Variants in SGMS1 observed in about 807,000 individuals in gnomAD.
SGMS1 encodes phosphatidylcholine:ceramide cholinephosphotransferase 1.
In SGMS1, 13 loss-of-function variants were observed where a neutral mutation model predicts 46.2. That is an observed-to-expected ratio of 0.28 (90% confidence interval 0.18 to 0.45). SGMS1 has a LOEUF of 0.45. SGMS1 is among the 20% of genes least tolerant of loss of function. SGMS1 has a pLI of 1.00. For missense variants in SGMS1, 324 were observed against 519.9 expected (o/e 0.62, Z 3.66); for synonymous variants, 203 against 187.8 (o/e 1.08, Z -0.66).
At chr10:50,440,025 C>A (rs1229832969) in intron 5 of SGMS1, among the ~76,000 whole-genome samples, 1 of 152,166 alleles carries the variant, frequency 6.6e-6, no homozygotes, top group Non-Finnish European at 1.5e-5. Flanking sequence ...GTAACCACAT[C>A]TAAACAAGCA....
chr10:50,600,943 G>A (rs1838644389), intron 1 of SGMS1, among the ~76,000 whole-genome samples: 1 of 152,170 alleles, frequency 6.6e-6, no homozygotes, highest in Non-Finnish European at 1.5e-5. Flanking sequence ...GAAGGCAGAT[G>A]AGAGGGCATG....
chr10:50,519,832 T>C lies in SGMS1; in HGVS notation c.-499A>G, dbSNP rs941064669. Reference sequence around the variant, plus strand: ...GGTGAAATGCTGATTCTGACTTACCTGTATTTTATTACACACCCTCTGCTG... The same window carrying C: ...GGTGAAATGCTGATTCTGACTTACCCGTATTTTATTACACACCCTCTGCTG... On this transcript the variant is annotated splice_region_variant and 5_prime_UTR_variant, in exon 3 of 11. Transcript: ENST00000361781. The C allele has an allele frequency of 1.3e-5, 2 of 152,338 alleles. No homozygotes were observed. Among genetic ancestry groups the C allele is most frequent in the East Asian group, 1.9e-4 (1 of 5,328 alleles). 9.4% of individuals were successfully genotyped at this position (152,338 alleles called of 1,614,324 possible). A position where few individuals can be genotyped will look rare whatever the true frequency, so the allele number is the denominator to read the frequency against.
At chr10:50,545,639 T>C (rs1016905256) in intron 2 of SGMS1, among the ~76,000 whole-genome samples, 1 of 152,214 alleles carries the variant, frequency 6.6e-6, no homozygotes, top group African/African-American at 2.4e-5. Context: ...GGTTTCACCA[T>C]GTTGGCCAGG....
chr10:50,525,463 G>T (rs1481873940), intron 2 of SGMS1, among the ~76,000 whole-genome samples: 1 of 152,146 alleles, frequency 6.6e-6, no homozygotes, highest in Admixed American at 6.5e-5. Flanking sequence ...CATCACTCAA[G>T]CAGGTTACCC....
At chr10:50,345,525 A>C (rs1328924982) in intron 6 of SGMS1, among the ~76,000 whole-genome samples, 1 of 152,204 alleles carries the variant, frequency 6.6e-6, no homozygotes, top group Non-Finnish European at 1.5e-5. Flanking sequence ...AGGATTCAAA[A>C]TTTTATAAAT....
At chr10:50,422,911 T>C (rs954559352) in intron 6 of SGMS1, among the ~76,000 whole-genome samples, 42 of 152,240 alleles carry the variant, frequency 2.8e-4, no homozygotes, top group African/African-American at 9.4e-4. Flanking sequence ...AGCATTAGCA[T>C]ATTTCTGCTT....
At chr10:50,323,689 T>C (rs542858038) in intron 8 of SGMS1, among the ~76,000 whole-genome samples, 26 of 152,356 alleles carry the variant, frequency 1.7e-4, no homozygotes, top group Admixed American at 1.5e-3. Context: ...TCATTAACTC[T>C]CATTTCCTCT....
At chr10:50,349,311 T>C (rs1313061527) in intron 6 of SGMS1, among the ~76,000 whole-genome samples, 1 of 152,238 alleles carries the variant, frequency 6.6e-6, no homozygotes, top group African/African-American at 2.4e-5. Flanking sequence ...CTCCACTTCA[T>C]AATCCTTTTC....
chr10:50,409,595 G>T (rs1444555845), intron 6 of SGMS1, among the ~76,000 whole-genome samples: 1 of 152,130 alleles, frequency 6.6e-6, no homozygotes, highest in Non-Finnish European at 1.5e-5. Flanking sequence ...TCATATCTCT[G>T]ACCTTTACTT....
In SGMS1 at chr10:50,516,162, A is replaced by T. The variant is rs73318705; in HGVS notation, c.-498+3669T>A. Among the ~76,000 whole-genome samples, 464 of 151,914 alleles carry T rather than the reference A, an allele frequency of 3.1e-3. 2 individuals are homozygous for T. The highest frequency in any genetic ancestry group is 0.01 in the African/African-American group (435 of 41,438). On this transcript the variant is annotated intron_variant, in intron 3 of 10. Transcript: ENST00000361781. ...TTCTGCTGCAGAAGGAATAATAATT[A>T]AAAAAAAACTGTTAAATCAGCAACC...
chr10:50,608,044 A>G (rs113512934), intron 1 of SGMS1, among the ~76,000 whole-genome samples: 1,759 of 152,358 alleles, frequency 0.012, 33 homozygotes, highest in African/African-American at 0.04. Flanking sequence ...CTGTACCACA[A>G]TGCCAAATTC....
At chr10:50,483,414 G>A (rs1837494107) in intron 3 of SGMS1, among the ~76,000 whole-genome samples, 1 of 152,126 alleles carries the variant, frequency 6.6e-6, no homozygotes, top group African/African-American at 2.4e-5. Context: ...GACCTATAAA[G>A]AGACTTAGAC....
intron 6 of SGMS1, among the ~76,000 whole-genome samples, chr10:50,358,510 C>T (rs1317340617): frequency 6.6e-6 from 1 of 152,064 alleles, no homozygotes; most frequent in Non-Finnish European, 1.5e-5. Context: ...CCAGCCTGGG[C>T]AAAACCTGTG....
intron 6 of SGMS1, among the ~76,000 whole-genome samples, chr10:50,413,257 G>A (rs1849126152): frequency 6.6e-6 from 1 of 152,062 alleles, no homozygotes; most frequent in African/African-American, 2.4e-5. Flanking sequence ...AAACTGGCAG[G>A]GCTGAGATTC....
intron 3 of SGMS1, among the ~76,000 whole-genome samples, chr10:50,475,126 A>G (rs1379691819): frequency 6.6e-6 from 1 of 152,196 alleles, no homozygotes; most frequent in Non-Finnish European, 1.5e-5. Flanking sequence ...CTAACTTTCC[A>G]TTTCACTGTC....
intron 3 of SGMS1, among the ~76,000 whole-genome samples, chr10:50,508,461 G>A (rs1450641691): frequency 6.6e-6 from 1 of 152,128 alleles, no homozygotes; most frequent in Non-Finnish European, 1.5e-5. Flanking sequence ...ATCTCTCTTG[G>A]TATGACAGTG....
At chr10:50,437,402 C>G (rs193299092) in intron 5 of SGMS1, among the ~76,000 whole-genome samples, 1 of 152,328 alleles carries the variant, frequency 6.6e-6, no homozygotes, top group Admixed American at 6.5e-5. Flanking sequence ...ACCAGCCACA[C>G]AGAAACAAAA....
intron 6 of SGMS1, among the ~76,000 whole-genome samples, chr10:50,369,330 T>C (rs1397462834): frequency 3.9e-5 from 6 of 152,070 alleles, no homozygotes; most frequent in Admixed American, 2.0e-4. Context: ...AGACCCTGTC[T>C]CTACAAAAAA....
intron 6 of SGMS1, among the ~76,000 whole-genome samples, chr10:50,391,061 G>A (rs923489249): frequency 6.6e-6 from 1 of 152,178 alleles, no homozygotes; most frequent in Non-Finnish European, 1.5e-5. Flanking sequence ...TAGTTTGCCC[G>A]AGCATCTCCA....
Sources: allele counts gnomAD v4.1 joint callset (sites outside exome capture counted in the v4.1 genomes callset), GRCh38; gene constraint gnomAD v4.1.1; transcripts MANE v1.5; gene names NCBI Gene and HGNC (gene_info 2026-07-23, HGNC 2026-07-21).